NME8: variants seen among roughly 807,000 people sequenced by gnomAD.
The protein encoded by NME8 is protein NME8.
A neutral mutation model predicts 82.3 loss-of-function variants in NME8; 72 were observed. The observed-to-expected ratio is 0.87, with a 90% confidence interval of 0.72 to 1.06. The LOEUF is 1.06. Ranked by LOEUF, NME8 falls within the 50% of genes least tolerant of loss-of-function variation. The probability of loss-of-function intolerance (pLI) is 0.00; values close to 1 mark genes in which losing one functional copy is unlikely to be tolerated. For missense variants in NME8, 712 were observed against 685.4 expected, an observed-to-expected ratio of 1.04 and a Z score of -0.43; for synonymous variants, 267 against 228.5, an observed-to-expected ratio of 1.17 and a Z score of -1.52.
chr7:37,877,790 C>A (rs1031483375), intron 12 of NME8, among the ~76,000 whole-genome samples: 1 of 152,048 alleles, frequency 6.6e-6, no homozygotes, highest in South Asian at 2.1e-4. Flanking sequence ...CAGTATCATA[C>A]CCCCCTTCCC....
At chr7:37,866,812 CG>C (rs550475718) in intron 10 of NME8, among the ~76,000 whole-genome samples, 1 of 152,086 alleles carries the variant, frequency 6.6e-6, no homozygotes, top group Non-Finnish European at 1.5e-5. Context: ...CCAAGGTGGT[CG>C]GGGCACAGCT....
intron 5 of NME8, 88 bp downstream of exon 5, chr7:37,850,823 T>G: frequency 2.3e-6 from 2 of 857,202 alleles, no homozygotes; most frequent in Non-Finnish European, 4.0e-6. Flanking sequence ...TGTCTTAATT[T>G]AAACAACCTG....
At chr7:37,858,897 AGT>A (rs1784554609) in intron 6 of NME8, among the ~76,000 whole-genome samples, 1 of 152,070 alleles carries the variant, frequency 6.6e-6, no homozygotes, top group Non-Finnish European at 1.5e-5. Context: ...TACAGTAATG[AGT>A]GAGTTCTCCC....
At chr7:37,874,292 T>C (rs1406224730) in intron 11 of NME8, among the ~76,000 whole-genome samples, 4 of 152,188 alleles carry the variant, frequency 2.6e-5, no homozygotes, top group Non-Finnish European at 4.4e-5. Flanking sequence ...AGAAGAAAAT[T>C]CTTCTAGATT....
At chr7:37,892,858 G>A (rs566274962) in intron 15 of NME8, among the ~76,000 whole-genome samples, 1 of 151,882 alleles carries the variant, frequency 6.6e-6, no homozygotes, top group African/African-American at 2.4e-5. Context: ...TTACAGTTTG[G>A]GGGGGTATTT....
chr7:37,894,188 G>A (rs887295803), intron 15 of NME8, among the ~76,000 whole-genome samples: 1 of 152,132 alleles, frequency 6.6e-6, no homozygotes, highest in African/African-American at 2.4e-5. Flanking sequence ...TTCTTAGCAT[G>A]AGAGCAGGTC....
intron 15 of NME8, among the ~76,000 whole-genome samples, chr7:37,891,345 T>TGCCGA (rs1270322209): frequency 1.7e-4 from 26 of 151,930 alleles, no homozygotes; most frequent in Non-Finnish European, 3.1e-4. Context: ...AAAAAATCAC[T>TGCCGA]GCCGAGACCA....
At chr7:37,852,599 G>A (rs1249456003) in intron 5 of NME8, among the ~76,000 whole-genome samples, 3 of 152,106 alleles carry the variant, frequency 2.0e-5, no homozygotes, top group African/African-American at 7.2e-5. Flanking sequence ...ATCACATAGT[G>A]TGGAGCCTTT....
chr7:37,852,031 C>T (rs1157708156), intron 5 of NME8, among the ~76,000 whole-genome samples: 1 of 151,998 alleles, frequency 6.6e-6, no homozygotes, highest in African/African-American at 2.4e-5. Flanking sequence ...AGACACTCAC[C>T]TCTTATTATT....
intron 11 of NME8, among the ~76,000 whole-genome samples, chr7:37,875,058 T>C (rs1461468535): frequency 2.0e-5 from 3 of 152,090 alleles, no homozygotes; most frequent in Admixed American, 2.0e-4. Context: ...CAGAATGTAA[T>C]AGGAAAGTAC....
At chr7:37,864,443 T>G in intron 9 of NME8, 22 bp downstream of exon 9, 2 of 1,535,878 alleles carry the variant, frequency 1.3e-6, no homozygotes, top group Middle Eastern at 1.8e-4. Context: ...TTTCCAACTA[T>G]GATTAAATTA....
chr7:37,865,590 C>G lies in NME8; in HGVS notation c.594C>G (p.Val198=), dbSNP rs886038628. The change falls in exon 10 of 18, where the codon GTC becomes GTG. Residue 198 remains valine, a synonymous_variant. Transcript: ENST00000199447. ...CAGTGCTCACTGAAGAACAAGTTGT[C>G]AACTTCTATAGTCGAATAGCAGACC... ...HKTVLTEEQV[V]NFYSRIADQC... is the part of the protein sequence containing the mutation. 2 of 1,612,682 alleles carry G rather than the reference C, an allele frequency of 1.2e-6. No homozygotes were observed. Among genetic ancestry groups the G allele is most frequent in the East Asian group, 4.5e-5 (2 of 44,848 alleles).
At chr7:37,871,114 C>G (rs1258703814) in intron 11 of NME8, among the ~76,000 whole-genome samples, 1 of 152,206 alleles carries the variant, frequency 6.6e-6, no homozygotes, top group Non-Finnish European at 1.5e-5. Context: ...AAGTTAAAAG[C>G]AGAGCAATTG....
chr7:37,866,409 T>C (rs1784683269), intron 10 of NME8, among the ~76,000 whole-genome samples: 1 of 152,160 alleles, frequency 6.6e-6, no homozygotes, highest in Non-Finnish European at 1.5e-5. Context: ...GGCTTCCATG[T>C]GTGTAGAAAG....
rs183209462 is a variant in NME8 at position 37,856,503 on chromosome 7, G to A, written c.199-771G>A. Among the ~76,000 whole-genome samples the A allele has an allele frequency of 4.6e-5, 7 of 152,194 alleles. No homozygotes were observed. The East Asian group carries it at 1.2e-3, about 25-fold the overall frequency. ...CAGTCAATAGCAATTTGCTATTGCAGCCCAAACTGACTAAGACACCAACTC... is the reference window on the plus strand; with the variant it reads ...CAGTCAATAGCAATTTGCTATTGCAACCCAAACTGACTAAGACACCAACTC... On this transcript the variant is annotated intron_variant, in intron 5 of 17. Coordinates refer to ENST00000199447, the MANE Select transcript of NME8 (RefSeq NM_016616.5).
intron 12 of NME8, among the ~76,000 whole-genome samples, chr7:37,883,733 G>A (rs550012041): frequency 2.1e-4 from 32 of 152,252 alleles, no homozygotes; most frequent in African/African-American, 7.5e-4. Context: ...GACCATAGCT[G>A]GATCACACTG....
rs1784644385 is a variant in NME8 at position 37,864,436 on chromosome 7, C to T, written c.528+15C>T. ...TTAAAAGAAAAGTAAGTAATATTTT[C>T]CAACTATGATTAAATTAATTGCAAA... On this transcript the variant is annotated intron_variant, in intron 9 of 17. Coordinates refer to ENST00000199447, the MANE Select transcript of NME8 (RefSeq NM_016616.5). 1 of 1,551,372 alleles carries T rather than the reference C, an allele frequency of 6.4e-7. No homozygotes were observed.
intron 11 of NME8, among the ~76,000 whole-genome samples, chr7:37,869,783 G>A (rs1023515306): frequency 6.6e-6 from 1 of 152,152 alleles, no homozygotes; most frequent in Non-Finnish European, 1.5e-5. Flanking sequence ...TGTGGAGCAT[G>A]CTTGTTTGGT....
intron 15 of NME8, among the ~76,000 whole-genome samples, chr7:37,893,617 T>C (rs1785169530): frequency 6.6e-6 from 1 of 152,132 alleles, no homozygotes; most frequent in Non-Finnish European, 1.5e-5. Context: ...AACACAAAGG[T>C]CAGTGTCTCT....
Sources: allele counts gnomAD v4.1 joint callset (sites outside exome capture counted in the v4.1 genomes callset), GRCh38; gene constraint gnomAD v4.1.1; transcripts MANE v1.5; gene names NCBI Gene and HGNC (gene_info 2026-07-23, HGNC 2026-07-21).